REPS1: variants seen among roughly 807,000 people sequenced by gnomAD.
The protein encoded by REPS1 is ralBP1-associated Eps domain-containing protein 1.
In REPS1, 39 loss-of-function variants were observed where a neutral mutation model predicts 100.9. The ratio of observed to expected loss-of-function variants is 0.39; its 90% CI spans 0.30 to 0.50. The LOEUF is 0.50. Ranked by LOEUF, REPS1 falls within the 20% of genes least tolerant of loss-of-function variation. The pLI is 0.86. For synonymous variants in REPS1, 324 were observed against 340.3 expected (o/e 0.95, Z 0.53); for missense variants, 821 against 968.5 (o/e 0.85, Z 2.02).
intron 12 of REPS1, among the ~76,000 whole-genome samples, chr6:138,917,973 G>A (rs887532041): frequency 5.9e-5 from 9 of 151,934 alleles, no homozygotes; most frequent in African/African-American, 1.5e-4. Flanking sequence ...TCAACCAACC[G>A]CAAACAGAAA....
rs549582831 is a variant in REPS1 at position 138,964,859 on chromosome 6, T to C, written c.154-16946A>G. Reference sequence around the variant, plus strand: ...ATCAAGAGAACTCACCATCACAATATAGATTACTGCTATATGACCTAGAAG... The same window carrying C: ...ATCAAGAGAACTCACCATCACAATACAGATTACTGCTATATGACCTAGAAG... On this transcript the variant is annotated intron_variant, in intron 1 of 19. Coordinates refer to ENST00000450536, the MANE Select transcript of REPS1 (RefSeq NM_001286611.2). Among the ~76,000 whole-genome samples, 20 of 152,214 alleles carry C rather than the reference T, an allele frequency of 1.3e-4. 1 individual carries two copies. In the South Asian group the frequency reaches 3.5e-3, roughly 27 times the overall value.
At chr6:138,958,399 C>T (rs1783530527) in intron 1 of REPS1, among the ~76,000 whole-genome samples, 2 of 152,060 alleles carry the variant, frequency 1.3e-5, no homozygotes. Context: ...CTTTAAGTTC[C>T]AGGATACATG....
chr6:138,966,161 G>A (rs1406552679), intron 1 of REPS1, among the ~76,000 whole-genome samples: 52 of 152,106 alleles, frequency 3.4e-4, no homozygotes, highest in Non-Finnish European at 2.4e-4. Context: ...GGAGAAGCAG[G>A]AGCCCACAAT....
At position 138,905,001 on chromosome 6, in the gene REPS1, C is replaced by T. The variant is rs556232082; in HGVS notation, c.*63G>A. ...GCAGTGAGCTGAATGTCTAGGTCTCCAAATTGGCTTTGAACCCAAAACCAC... is the reference window on the plus strand; with the variant it reads ...GCAGTGAGCTGAATGTCTAGGTCTCTAAATTGGCTTTGAACCCAAAACCAC... On this transcript the variant is annotated 3_prime_UTR_variant, in exon 20 of 20. Transcript: ENST00000450536. The T allele has an allele frequency of 2.1e-6, 3 of 1,405,128 alleles. No homozygotes were observed. The South Asian group carries it at 3.5e-5, about 17-fold the overall frequency. 87.0% of individuals were successfully genotyped at this position (1,405,128 alleles called of 1,614,324 possible).
At chr6:138,945,738 G>A (rs1246966147) in intron 2 of REPS1, 41 bp from the exon 3 acceptor site, 12 of 1,421,298 alleles carry the variant, frequency 8.4e-6, no homozygotes, top group Non-Finnish European at 1.0e-5. Context: ...AATAAAAAAG[G>A]ACATATATAT....
At chr6:138,974,203 T>C (rs1200383660) in intron 1 of REPS1, among the ~76,000 whole-genome samples, 1 of 152,204 alleles carries the variant, frequency 6.6e-6, no homozygotes, top group Non-Finnish European at 1.5e-5. Context: ...CCTGAACGAA[T>C]GGTACAGCAA....
At chr6:138,962,210 T>A (rs1783780339) in intron 1 of REPS1, among the ~76,000 whole-genome samples, 1 of 152,178 alleles carries the variant, frequency 6.6e-6, no homozygotes, top group South Asian at 2.1e-4. Context: ...TTGTGTCCTT[T>A]AGCAAGTAGG....
intron 8 of REPS1, among the ~76,000 whole-genome samples, chr6:138,941,131 A>ACTCATCTTTAT (rs1490636070): frequency 2.0e-5 from 3 of 152,224 alleles, no homozygotes; most frequent in Non-Finnish European, 2.9e-5. Context: ...GGTATATATT[A>ACTCATCTTTAT]CTCATCTTTA....
At chr6:138,980,322 C>G (rs999359873) in intron 1 of REPS1, among the ~76,000 whole-genome samples, 5 of 152,134 alleles carry the variant, frequency 3.3e-5, no homozygotes, top group African/African-American at 1.2e-4. Context: ...TCAGCATGAT[C>G]TTTTAAAATA....
chr6:138,966,776 C>T (rs960799922), intron 1 of REPS1, among the ~76,000 whole-genome samples: 1 of 150,550 alleles, frequency 6.6e-6, no homozygotes, highest in Non-Finnish European at 1.5e-5. Flanking sequence ...ATTTCTCAAG[C>T]TTCTGCCTAA....
At chr6:138,960,011 A>G (rs1050160616) in intron 1 of REPS1, among the ~76,000 whole-genome samples, 6 of 152,216 alleles carry the variant, frequency 3.9e-5, no homozygotes, top group African/African-American at 1.2e-4. Context: ...GTGCTTGCTT[A>G]TGGAGTAGTA....
intron 17 of REPS1, among the ~76,000 whole-genome samples, chr6:138,909,246 A>G (rs924495742): frequency 1.3e-5 from 2 of 152,236 alleles, no homozygotes; most frequent in African/African-American, 4.8e-5. Flanking sequence ...AAAGCTAGGC[A>G]ACTCTTTAAA....
At chr6:138,920,946 A>T (rs551775384) in intron 11 of REPS1, 91 bp downstream of exon 11, 13 of 875,792 alleles carry the variant, frequency 1.5e-5, no homozygotes, top group Non-Finnish European at 2.2e-5. Context: ...CTTAAAAAAT[A>T]AGCGATGAAA....
At chr6:138,916,681 A>G (rs778547030) in intron 13 of REPS1, among the ~76,000 whole-genome samples, 2 of 152,144 alleles carry the variant, frequency 1.3e-5, no homozygotes, top group Non-Finnish European at 2.9e-5. Flanking sequence ...TAAGTTCTGG[A>G]TTTTGGTAAG....
intron 13 of REPS1, among the ~76,000 whole-genome samples, chr6:138,916,441 G>A (rs1460149668): frequency 4.0e-5 from 6 of 151,678 alleles, no homozygotes; most frequent in Admixed American, 1.3e-4. Flanking sequence ...GGCTGGTCTC[G>A]AACTCCTGAC....
intron 1 of REPS1, among the ~76,000 whole-genome samples, chr6:138,975,181 C>T (rs1291534165): frequency 6.6e-6 from 1 of 152,054 alleles, no homozygotes; most frequent in Non-Finnish European, 1.5e-5. Context: ...CAAAATCCAC[C>T]ACATTATCTT....
At chr6:138,907,725 A>G (rs1562506879) in intron 18 of REPS1, 125 bp from the exon 19 acceptor site, 1 of 612,758 alleles carries the variant, frequency 1.6e-6, no homozygotes, top group Non-Finnish European at 2.9e-6. Flanking sequence ...TTACTAGCAC[A>G]GCTCAACCTC....
At chr6:138,952,460 C>G (rs550052775) in intron 1 of REPS1, among the ~76,000 whole-genome samples, 1 of 151,724 alleles carries the variant, frequency 6.6e-6, no homozygotes, top group Admixed American at 6.6e-5. Flanking sequence ...AGAGCAATGG[C>G]GCGATCTCAG....
intron 10 of REPS1, 45 bp downstream of exon 10, chr6:138,926,356 T>C (rs1295882363): frequency 1.0e-5 from 14 of 1,363,142 alleles, no homozygotes; most frequent in Non-Finnish European, 1.4e-5. Flanking sequence ...GAAATTTGGG[T>C]TAATAAAATT....
Sources: allele counts gnomAD v4.1 joint callset (sites outside exome capture counted in the v4.1 genomes callset), GRCh38; gene constraint gnomAD v4.1.1; transcripts MANE v1.5; gene names NCBI Gene and HGNC (gene_info 2026-07-23, HGNC 2026-07-21).